CEP128: variants seen among roughly 807,000 people sequenced by gnomAD.
The protein encoded by CEP128 is centrosomal protein 128.
In CEP128, 132 loss-of-function variants were observed where a neutral mutation model predicts 156.7. That is an observed-to-expected ratio of 0.84 (90% CI 0.73 to 0.97). The LOEUF is 0.97. Among genes scored for constraint, CEP128 ranks in the 50% least tolerant of loss-of-function variants. CEP128 has a pLI of 0.00. For missense variants in CEP128, 1,252 were observed against 1,281.9 expected (o/e 0.98, Z 0.36); for synonymous variants, 469 against 448.9 (o/e 1.04, Z -0.57).
At chr14:80,620,825 T>C (rs1595101565) in intron 19 of CEP128, among the ~76,000 whole-genome samples, 2 of 152,348 alleles carry the variant, frequency 1.3e-5, no homozygotes, top group Admixed American at 1.3e-4. Flanking sequence ...TAAGAGTGCC[T>C]ACTAAAATCA....
chr14:80,770,831 T>C (rs1225472043), intron 16 of CEP128, among the ~76,000 whole-genome samples: 1 of 152,136 alleles, frequency 6.6e-6, no homozygotes, highest in Non-Finnish European at 1.5e-5. Flanking sequence ...AGTGTAAACA[T>C]TAAAGTAAAT....
intron 18 of CEP128, among the ~76,000 whole-genome samples, chr14:80,752,848 T>G (rs918483663): frequency 6.6e-6 from 1 of 152,232 alleles, no homozygotes; most frequent in Non-Finnish European, 1.5e-5. Context: ...TCAAACTATG[T>G]GATCTCTAAA....
chr14:80,598,650 C>T (rs1595067774), intron 19 of CEP128, among the ~76,000 whole-genome samples: 3 of 152,110 alleles, frequency 2.0e-5, no homozygotes, highest in Non-Finnish European at 1.5e-5. Context: ...GGAAAAGGAA[C>T]TCGAATAAGT....
chr14:80,798,548 C>A (rs1398437310), intron 13 of CEP128, among the ~76,000 whole-genome samples: 1 of 152,136 alleles, frequency 6.6e-6, no homozygotes, highest in African/African-American at 2.4e-5. Flanking sequence ...CTGTATGGAG[C>A]AAAATTTTAG....
intron 19 of CEP128, among the ~76,000 whole-genome samples, chr14:80,718,312 G>A (rs1298720583): frequency 6.6e-6 from 1 of 152,044 alleles, no homozygotes; most frequent in Non-Finnish European, 1.5e-5. Flanking sequence ...CATCTTTTCA[G>A]CAAAAGTAAA....
intron 19 of CEP128, among the ~76,000 whole-genome samples, chr14:80,592,220 T>G (rs530115294): frequency 1.3e-5 from 2 of 152,308 alleles, no homozygotes; most frequent in South Asian, 4.1e-4. Context: ...ATCCAGGAGC[T>G]GGTTTTTTGA....
At chr14:80,608,673 T>G (rs1242964110) in intron 19 of CEP128, among the ~76,000 whole-genome samples, 4 of 152,172 alleles carry the variant, frequency 2.6e-5, no homozygotes. Context: ...AACCTCTAAA[T>G]CTACATCTGT....
intron 13 of CEP128, among the ~76,000 whole-genome samples, chr14:80,803,809 A>G (rs1412940885): frequency 6.6e-6 from 1 of 152,174 alleles, no homozygotes; most frequent in Non-Finnish European, 1.5e-5. Flanking sequence ...CATCCTGAAT[A>G]ATTAGTGAAG....
intron 11 of CEP128, among the ~76,000 whole-genome samples, chr14:80,836,823 A>C (rs1294463875): frequency 1.3e-5 from 2 of 152,208 alleles, no homozygotes; most frequent in Non-Finnish European, 2.9e-5. Context: ...TGATTTGTTT[A>C]TCTTTCTATC....
At chr14:80,923,906 G>A (rs1460379814) in intron 2 of CEP128, among the ~76,000 whole-genome samples, 1 of 152,094 alleles carries the variant, frequency 6.6e-6, no homozygotes. Context: ...TCATGATAGT[G>A]AGTTCTCACA....
At chr14:80,759,196 A>G (rs901360146) in intron 17 of CEP128, among the ~76,000 whole-genome samples, 1 of 152,224 alleles carries the variant, frequency 6.6e-6, no homozygotes, top group Non-Finnish European at 1.5e-5. Context: ...ACTAAAGTGG[A>G]ATAAGTAACA....
chr14:80,811,981 A>G (rs1566644069), intron 13 of CEP128, among the ~76,000 whole-genome samples: 1 of 152,184 alleles, frequency 6.6e-6, no homozygotes, highest in Non-Finnish European at 1.5e-5. Context: ...TTACATGGGT[A>G]AATTGCATGT....
intron 19 of CEP128, among the ~76,000 whole-genome samples, chr14:80,638,789 C>T (rs188985371): frequency 1.1e-3 from 165 of 152,250 alleles, no homozygotes; most frequent in South Asian, 1.7e-3. Context: ...GTAGTCTGAA[C>T]ACAGGTCATT....
At chr14:80,487,812 T>A (rs1051232865), downstream of CEP128, among the ~76,000 whole-genome samples, 3 of 152,120 alleles carry the variant, frequency 2.0e-5, no homozygotes, top group African/African-American at 7.2e-5. Flanking sequence ...GAAATAAAGA[T>A]GTTTTTTGAA....
intron 23 of CEP128, among the ~76,000 whole-genome samples, chr14:80,522,056 C>G (rs1298983369): frequency 6.6e-6 from 1 of 152,182 alleles, no homozygotes; most frequent in Non-Finnish European, 1.5e-5. Context: ...AGTTAAAGCT[C>G]TCTCAAATCC....
chr14:80,952,226 A>G (rs1886481451), intron 2 of CEP128, among the ~76,000 whole-genome samples: 1 of 152,084 alleles, frequency 6.6e-6, no homozygotes, highest in Non-Finnish European at 1.5e-5. Context: ...TCAAGTACAC[A>G]CTGAACATTT....
chr14:80,619,631 G>A (rs903412149), intron 19 of CEP128, among the ~76,000 whole-genome samples: 1 of 151,264 alleles, frequency 6.6e-6, no homozygotes, highest in Non-Finnish European at 1.5e-5. Flanking sequence ...GAACCTGGGA[G>A]GCAGAGGTTG....
At chr14:80,717,224 A>G (rs1897640376) in intron 19 of CEP128, among the ~76,000 whole-genome samples, 1 of 152,320 alleles carries the variant, frequency 6.6e-6, no homozygotes, top group South Asian at 2.1e-4. Context: ...AATTTACTTT[A>G]AATAATATAG....
chr14:80,685,186 T>C (rs953335414), intron 19 of CEP128, among the ~76,000 whole-genome samples: 2 of 152,072 alleles, frequency 1.3e-5, no homozygotes, highest in African/African-American at 4.8e-5. Flanking sequence ...TTTGATTCTA[T>C]CCCTAGAAAA....
Sources: allele counts gnomAD v4.1 joint callset (sites outside exome capture counted in the v4.1 genomes callset), GRCh38; gene constraint gnomAD v4.1.1; transcripts MANE v1.5; gene names NCBI Gene and HGNC (gene_info 2026-07-23, HGNC 2026-07-21).